CNTNAP2: variants seen among roughly 807,000 people sequenced by gnomAD.
The protein encoded by CNTNAP2 is contactin-associated protein-like 2.
CNTNAP2 carries 98 observed loss-of-function variants against 155.2 expected under a neutral mutation model. That is an observed-to-expected ratio of 0.63 (90% confidence interval 0.54 to 0.75). The LOEUF (loss-of-function observed/expected upper bound fraction) is 0.75. CNTNAP2 is among the 30% of genes least tolerant of loss of function. The pLI, the probability that CNTNAP2 is intolerant of heterozygous loss-of-function variation, is 0.00. For missense variants in CNTNAP2, 1,727 were observed against 1,688.1 expected (o/e 1.02, Z -0.40); for synonymous variants, 651 against 631.2 (o/e 1.03, Z -0.47).
chr7:146,745,247 C>A (rs1266254572), intron 1 of CNTNAP2, among the ~76,000 whole-genome samples: 1 of 152,164 alleles, frequency 6.6e-6, no homozygotes, highest in African/African-American at 2.4e-5. Flanking sequence ...TAATGCTAGG[C>A]ACCCAGAATT....
intron 1 of CNTNAP2, among the ~76,000 whole-genome samples, chr7:146,144,694 T>C (rs566098124): frequency 1.8e-4 from 28 of 152,186 alleles, no homozygotes; most frequent in Non-Finnish European, 2.6e-4. Flanking sequence ...GTTAATTTGG[T>C]ATAAAAGAAA....
Position 148,012,084 on chromosome 7 carries a change from T to C in CNTNAP2, c.2383+34095T>C, listed in dbSNP as rs140478638. Among the ~76,000 whole-genome samples, 411 of 152,328 alleles carry C rather than the reference T, an allele frequency of 2.7e-3. 2 individuals carry two copies. Among genetic ancestry groups the C allele is most frequent in the African/African-American group, 9.7e-3 (402 of 41,570 alleles). ...CCCCATTTTTTTGGTTTTTGCCTTT[T>C]TGTTTATTTCTTTGTTTAAGAGGGG... On this transcript the variant is annotated intron_variant, in intron 15 of 23. Coordinates refer to ENST00000361727, the MANE Select transcript of CNTNAP2 (RefSeq NM_014141.6).
intron 8 of CNTNAP2, among the ~76,000 whole-genome samples, chr7:147,292,789 G>A (rs902013690): frequency 6.6e-6 from 1 of 152,070 alleles, no homozygotes; most frequent in African/African-American, 2.4e-5. Flanking sequence ...GTTTATTTGA[G>A]ACAGGGTTTT....
At chr7:147,825,665 A>G (rs1206483694) in intron 13 of CNTNAP2, among the ~76,000 whole-genome samples, 2 of 152,210 alleles carry the variant, frequency 1.3e-5, no homozygotes, top group Non-Finnish European at 2.9e-5. Flanking sequence ...TATCTTTCAC[A>G]AAATGTTTAT....
At chr7:147,856,772 T>G (rs1394824810) in intron 13 of CNTNAP2, among the ~76,000 whole-genome samples, 1 of 152,120 alleles carries the variant, frequency 6.6e-6, no homozygotes, top group African/African-American at 2.4e-5. Flanking sequence ...CAGCTAAAAT[T>G]CCAGGAATAA....
chr7:146,868,078 G>T (rs115368518), intron 3 of CNTNAP2, among the ~76,000 whole-genome samples: 83 of 152,156 alleles, frequency 5.5e-4, no homozygotes, highest in African/African-American at 2.0e-3. Context: ...TAGTGTCTTT[G>T]TTGTGAAATA....
At chr7:146,293,418 T>C (rs1563024724) in intron 1 of CNTNAP2, among the ~76,000 whole-genome samples, 1 of 152,220 alleles carries the variant, frequency 6.6e-6, no homozygotes, top group Non-Finnish European at 1.5e-5. Flanking sequence ...TAGTCTTCTA[T>C]GATGGTTTAT....
intron 1 of CNTNAP2, among the ~76,000 whole-genome samples, chr7:146,348,046 A>G (rs752433196): frequency 6.6e-6 from 1 of 152,192 alleles, no homozygotes; most frequent in Non-Finnish European, 1.5e-5. Context: ...AGAACTGGGA[A>G]TGAGATGAGT....
chr7:148,073,596 T>C (rs1032911207), intron 15 of CNTNAP2, among the ~76,000 whole-genome samples: 14 of 152,334 alleles, frequency 9.2e-5, no homozygotes, highest in African/African-American at 3.4e-4. Context: ...CTTACTTTAC[T>C]TTTATTATGG....
At chr7:146,720,965 G>GTA (rs1274860576) in intron 1 of CNTNAP2, among the ~76,000 whole-genome samples, 1 of 109,992 alleles carries the variant, frequency 9.1e-6, no homozygotes, top group African/African-American at 4.1e-5. Flanking sequence ...TATATATACA[G>GTA]TATATATATA....
chr7:146,721,081 A>G (rs1445036936), intron 1 of CNTNAP2, among the ~76,000 whole-genome samples: 4 of 101,676 alleles, frequency 3.9e-5, no homozygotes, highest in African/African-American at 1.9e-4. Flanking sequence ...TACTCTATAT[A>G]TATACTGTCT....
chr7:146,894,047 C>A (rs1243260826), intron 3 of CNTNAP2, among the ~76,000 whole-genome samples: 1 of 152,066 alleles, frequency 6.6e-6, no homozygotes, highest in African/African-American at 2.4e-5. Flanking sequence ...GTGAAAGGAC[C>A]ACTGGTTGCT....
intron 1 of CNTNAP2, among the ~76,000 whole-genome samples, chr7:146,391,687 C>A (rs983592121): frequency 6.6e-6 from 1 of 152,084 alleles, no homozygotes; most frequent in Non-Finnish European, 1.5e-5. Flanking sequence ...TTTCTGTTCC[C>A]GCATTAGTTT....
At chr7:148,277,646 G>A (rs28397912) in intron 21 of CNTNAP2, among the ~76,000 whole-genome samples, 46,740 of 150,514 alleles carry the variant, frequency 0.31, 7,939 homozygotes, top group African/African-American at 0.45. Flanking sequence ...CCCAGACTGG[G>A]AAGCAAGGCA....
intron 3 of CNTNAP2, among the ~76,000 whole-genome samples, chr7:146,901,866 GCTC>G (rs1345903808): frequency 2.1e-5 from 3 of 140,030 alleles, no homozygotes; most frequent in African/African-American, 7.8e-5. Context: ...TTGCATATAT[GCTC>G]CTTTTTTTTT....
intron 15 of CNTNAP2, among the ~76,000 whole-genome samples, chr7:147,989,220 T>G (rs1249614034): frequency 6.6e-6 from 1 of 152,206 alleles, no homozygotes; most frequent in African/African-American, 2.4e-5. Context: ...CAGGCCACGC[T>G]TAGGCCAGCA....
intron 21 of CNTNAP2, among the ~76,000 whole-genome samples, chr7:148,324,595 C>T (rs764417923): frequency 6.6e-6 from 1 of 151,914 alleles, no homozygotes; most frequent in Non-Finnish European, 1.5e-5. Flanking sequence ...GTCAGGAGTT[C>T]GAGACCAGCC....
intron 1 of CNTNAP2, among the ~76,000 whole-genome samples, chr7:146,620,111 C>T (rs1005533739): frequency 5.3e-5 from 8 of 152,078 alleles, no homozygotes; most frequent in Non-Finnish European, 1.0e-4. Flanking sequence ...TGCTTTTCCA[C>T]AATACTCTTA....
chr7:146,671,454 G>GACAC (rs1800304316), intron 1 of CNTNAP2, among the ~76,000 whole-genome samples: 3 of 62,890 alleles, frequency 4.8e-5, no homozygotes, highest in African/African-American at 1.0e-4. Flanking sequence ...CACACACACG[G>GACAC]ACACACATAT....
Sources: allele counts gnomAD v4.1 joint callset (sites outside exome capture counted in the v4.1 genomes callset), GRCh38; gene constraint gnomAD v4.1.1; transcripts MANE v1.5; gene names NCBI Gene and HGNC (gene_info 2026-07-23, HGNC 2026-07-21).